Variants in FGF14 observed in about 807,000 individuals in gnomAD.
FGF14 encodes the protein fibroblast growth factor 14, also known as fibroblast growth factor homologous factor 4.
FGF14 carries 5 observed loss-of-function variants against 25.5 expected under a neutral mutation model. That is an observed-to-expected ratio of 0.20 (90% CI 0.10 to 0.41). FGF14 has a LOEUF of 0.41. Ranked by LOEUF, FGF14 falls within the 10% of genes least tolerant of loss-of-function variation. FGF14 has a pLI of 1.00. For missense variants in FGF14, 222 were observed against 320.1 expected (o/e 0.69, Z 2.34); for synonymous variants, 138 against 118.3 (o/e 1.17, Z -1.08).
chr13:101,921,993 C>T (rs2034039884), intron 1 of FGF14, among the ~76,000 whole-genome samples: 1 of 152,140 alleles, frequency 6.6e-6, no homozygotes, highest in Non-Finnish European at 1.5e-5. Flanking sequence ...GGGCTGTCTT[C>T]CCCGTTTAAA....
chr13:102,094,887 T>A (rs931745028), intron 1 of FGF14, among the ~76,000 whole-genome samples: 7 of 151,938 alleles, frequency 4.6e-5, no homozygotes, highest in Non-Finnish European at 7.4e-5. Flanking sequence ...ATTGAAGCAG[T>A]CTACTCACCC....
intron 1 of FGF14, among the ~76,000 whole-genome samples, chr13:102,297,985 G>A (rs943766378): frequency 4.6e-5 from 7 of 152,084 alleles, no homozygotes; most frequent in African/African-American, 7.2e-5. Context: ...ACACATGGCC[G>A]TAATTTTGTT....
chr13:102,146,553 CT>C (rs1282525661), intron 1 of FGF14, among the ~76,000 whole-genome samples: 1 of 152,144 alleles, frequency 6.6e-6, no homozygotes, highest in Admixed American at 6.5e-5. Flanking sequence ...AGAAGACACT[CT>C]TTTCCATGGT....
Position 102,239,361 on chromosome 13 carries a change from G to C in FGF14, c.208+162110C>G, listed in dbSNP as rs1208526198. Among the ~76,000 whole-genome samples, 3 of 152,182 alleles carry C rather than the reference G, an allele frequency of 2.0e-5. No homozygotes were observed. In the East Asian group the frequency reaches 5.8e-4, roughly 29 times the overall value. ...GCCAAATTATATTTGTTCCATTAGT[G>C]CTACAGAAAAGTGTTTCTCAAACAT... is the stretch of plus-strand genomic sequence containing the variant. On this transcript the variant is annotated intron_variant, in intron 1 of 4. Coordinates refer to the FGF14 transcript ENST00000376131.
At chr13:102,175,448 A>G (rs1311113585) in intron 1 of FGF14, among the ~76,000 whole-genome samples, 4 of 152,172 alleles carry the variant, frequency 2.6e-5, no homozygotes, top group African/African-American at 9.7e-5. Flanking sequence ...CTCAAAACAG[A>G]TTAAAGGTTT....
chr13:101,897,386 G>A (rs1356116705), intron 1 of FGF14, among the ~76,000 whole-genome samples: 1 of 152,164 alleles, frequency 6.6e-6, no homozygotes, highest in Non-Finnish European at 1.5e-5. Flanking sequence ...AGGTCTATTT[G>A]GGGTGTGGCC....
chr13:102,337,144 C>T (rs1000964970), intron 1 of FGF14, among the ~76,000 whole-genome samples: 5 of 152,198 alleles, frequency 3.3e-5, no homozygotes, highest in African/African-American at 1.2e-4. Flanking sequence ...AGTAATTCCT[C>T]TGATGGGCCT....
intron 3 of FGF14, among the ~76,000 whole-genome samples, chr13:101,865,838 G>C (rs1248097044): frequency 2.6e-5 from 4 of 152,176 alleles, no homozygotes; most frequent in South Asian, 4.1e-4. Flanking sequence ...TTTCATATTA[G>C]ACTCTAGTTT....
intron 3 of FGF14, among the ~76,000 whole-genome samples, chr13:101,800,319 T>A (rs2140132397): frequency 6.6e-6 from 1 of 152,234 alleles, no homozygotes; most frequent in African/African-American, 2.4e-5. Context: ...ATATAAAATA[T>A]AAAAACAAAT....
chr13:101,879,577 GT>G (rs2045583685), intron 1 of FGF14, among the ~76,000 whole-genome samples: 1 of 152,080 alleles, frequency 6.6e-6, no homozygotes, highest in East Asian at 1.9e-4. Flanking sequence ...ATCAAATGGT[GT>G]ACTTATTTTA....
chr13:102,164,742 C>T (rs1213803816), intron 1 of FGF14, among the ~76,000 whole-genome samples: 1 of 152,136 alleles, frequency 6.6e-6, no homozygotes. Flanking sequence ...TGTTCACCAG[C>T]TGTGTACAGC....
chr13:101,923,912 G>T (rs1381698907), intron 1 of FGF14, among the ~76,000 whole-genome samples: 1 of 152,050 alleles, frequency 6.6e-6, no homozygotes, highest in East Asian at 1.9e-4. Flanking sequence ...TACAAATTTA[G>T]TGATTTTCTT....
At chr13:102,062,950 C>T (rs969383242) in intron 1 of FGF14, among the ~76,000 whole-genome samples, 1 of 152,134 alleles carries the variant, frequency 6.6e-6, no homozygotes, top group Non-Finnish European at 1.5e-5. Flanking sequence ...TATAAAATAA[C>T]ATCTGCATGA....
intron 1 of FGF14, among the ~76,000 whole-genome samples, chr13:101,925,555 ACTT>A (rs1337335658): frequency 6.6e-6 from 1 of 152,220 alleles, no homozygotes; most frequent in African/African-American, 2.4e-5. Context: ...CTTGTAATCT[ACTT>A]CTAAAAGATG....
At chr13:102,066,700 A>G (rs1039206324) in intron 1 of FGF14, among the ~76,000 whole-genome samples, 1 of 152,172 alleles carries the variant, frequency 6.6e-6, no homozygotes, top group African/African-American at 2.4e-5. Context: ...TGTTCTTAGG[A>G]GTTCTGACGG....
rs9518680 is a variant in FGF14, at chr13:102,234,424, A to G, written c.208+167047T>C. Among the ~76,000 whole-genome samples the G allele has an allele frequency of 5.6e-4, 15 of 26,926 alleles. 6 individuals are homozygous for G. The highest frequency in any genetic ancestry group is 1.9e-3 in the African/African-American group (9 of 4,834). The allele number at this position is 26,926 out of a possible 152,430, so 17.7% of individuals were successfully genotyped here. A position where few individuals can be genotyped will look rare whatever the true frequency, so the allele number is the denominator to read the frequency against. ...TGGAAGCATACACTTAAATGTGAAG[A>G]TACTTAATACCATGAAAACATACAC... On this transcript the variant is annotated intron_variant, in intron 1 of 4. Coordinates refer to the FGF14 transcript ENST00000376131.
intron 3 of FGF14, among the ~76,000 whole-genome samples, chr13:101,851,751 C>A (rs1161364218): frequency 3.3e-5 from 5 of 152,148 alleles, no homozygotes; most frequent in Non-Finnish European, 7.4e-5. Context: ...GTACTTTAAT[C>A]TTTTAACTCA....
At chr13:101,979,827 A>C (rs1226334766) in intron 1 of FGF14, among the ~76,000 whole-genome samples, 1 of 152,204 alleles carries the variant, frequency 6.6e-6, no homozygotes, top group East Asian at 1.9e-4. Flanking sequence ...CAAGAAAACC[A>C]GGCACAATGT....
chr13:101,848,024 T>G (rs1246391374), intron 3 of FGF14, among the ~76,000 whole-genome samples: 2 of 152,050 alleles, frequency 1.3e-5, no homozygotes, highest in African/African-American at 4.8e-5. Context: ...AACTCTCATC[T>G]TTATGAAGAA....
Sources: gnomAD v4.1 joint callset for allele counts (sites outside exome capture counted in the v4.1 genomes callset) on GRCh38, gnomAD v4.1.1 for gene constraint, MANE v1.5 for transcripts, NCBI Gene and HGNC (gene_info 2026-07-23, HGNC 2026-07-21) for gene names.